PTPN9: variants seen among roughly 807,000 people sequenced by gnomAD.
The protein encoded by PTPN9 is protein tyrosine phosphatase non-receptor type 9.
A neutral mutation model predicts 69.8 loss-of-function variants in PTPN9; 26 were observed. That is an observed-to-expected ratio of 0.37 (90% CI 0.27 to 0.52). The LOEUF (loss-of-function observed/expected upper bound fraction) is 0.52. Among genes scored for constraint, PTPN9 ranks in the 20% least tolerant of loss-of-function variants. The pLI is 0.91. For synonymous variants in PTPN9, 274 were observed against 272.5 expected (o/e 1.01, Z -0.05); for missense variants, 549 against 740.3 (o/e 0.74, Z 3.00).
rs745727762 is a variant in PTPN9, at chr15:75,517,250, T to C, written c.528+9A>G. ...GAAGGAAACTTGAGAGGGCCCTCCA[T>C]AGCCTTACCTTCAGCAGGTTTAGGA... On this transcript the variant is annotated intron_variant, in intron 5 of 12. Transcript: ENST00000618819. 8 of 1,602,582 alleles carry C rather than the reference T, an allele frequency of 5.0e-6. No homozygotes were observed. The Admixed American group carries it at 6.7e-5, about 13-fold the overall frequency.
At chr15:75,516,770 C>T (rs1304640082) in intron 5 of PTPN9, among the ~76,000 whole-genome samples, 1 of 111,370 alleles carries the variant, frequency 9.0e-6, no homozygotes, top group African/African-American at 3.6e-5. Context: ...TTTTGAGACA[C>T]AGTCTCGCTC....
At chr15:75,539,755 T>C (rs979675011) in intron 1 of PTPN9, among the ~76,000 whole-genome samples, 2 of 151,890 alleles carry the variant, frequency 1.3e-5, no homozygotes, top group Admixed American at 1.3e-4. Context: ...CACTGCAACC[T>C]TGGCCTCCCA....
intron 1 of PTPN9, among the ~76,000 whole-genome samples, chr15:75,540,533 ACT>A (rs2075003498): frequency 6.9e-6 from 1 of 144,878 alleles, no homozygotes; most frequent in South Asian, 2.2e-4. Context: ...ACAGAGCAAG[ACT>A]CTGTCTCTAA....
At chr15:75,561,747 T>C (rs2075104910) in intron 1 of PTPN9, among the ~76,000 whole-genome samples, 1 of 152,174 alleles carries the variant, frequency 6.6e-6, no homozygotes, top group African/African-American at 2.4e-5. Flanking sequence ...TTCGCTTTTG[T>C]TGTCCAGGCT....
At chr15:75,472,527 G>A (rs965904879) in intron 10 of PTPN9, among the ~76,000 whole-genome samples, 16 of 151,760 alleles carry the variant, frequency 1.1e-4, no homozygotes. Flanking sequence ...AGGCGCAGTG[G>A]CCCACGCTTG....
chr15:75,470,767 G>T lies in PTPN9; in HGVS notation c.1272C>A (p.Ile424=). Residue 424 remains isoleucine (I), a synonymous_variant, in exon 11 of 13, where the codon ATC becomes ATA. Coordinates refer to ENST00000618819, the MANE Select transcript of PTPN9 (RefSeq NM_002833.4). ...TGGTCACTGTGAGGAAGCCAAATCG[G>T]ATCCGAGAGTCTTTTTCTAAAGGCC... ...QYWPLEKDSR[I]RFGFLTVTNL... The T allele has an allele frequency of 6.2e-7, 1 of 1,614,214 alleles. No individual in the cohort carries two copies. Among genetic ancestry groups the T allele is most frequent in the Non-Finnish European group, 8.5e-7 (1 of 1,180,032 alleles).
intron 1 of PTPN9, among the ~76,000 whole-genome samples, chr15:75,569,037 T>C (rs1003767493): frequency 6.6e-6 from 1 of 152,140 alleles, no homozygotes. Context: ...GTTATTTTAG[T>C]GGTCAGGAAG....
intron 1 of PTPN9, among the ~76,000 whole-genome samples, chr15:75,575,918 C>CAAAA (rs759810846): frequency 2.5e-5 from 1 of 39,272 alleles, no homozygotes; most frequent in African/African-American, 1.1e-4. Context: ...GACTCCATCT[C>CAAAA]AAAAAAAAAA....
At chr15:75,490,477 T>C (rs960470319) in intron 7 of PTPN9, among the ~76,000 whole-genome samples, 176 bp from the exon 8 acceptor site, 4 of 152,188 alleles carry the variant, frequency 2.6e-5, no homozygotes, top group Non-Finnish European at 5.9e-5. Context: ...GGTAAGTACA[T>C]ACTACTTCTA....
chr15:75,551,212 G>C (rs2141335286), intron 1 of PTPN9, among the ~76,000 whole-genome samples: 1 of 152,256 alleles, frequency 6.6e-6, no homozygotes, highest in South Asian at 2.1e-4. Context: ...TGGGACTACA[G>C]GCATGCACCA....
intron 10 of PTPN9, among the ~76,000 whole-genome samples, chr15:75,472,708 G>A (rs2074574250): frequency 6.7e-6 from 1 of 150,134 alleles, no homozygotes; most frequent in African/African-American, 2.5e-5. Flanking sequence ...GAACCCAGGA[G>A]GCAAGGGTTG....
intron 1 of PTPN9, among the ~76,000 whole-genome samples, chr15:75,545,262 C>A (rs2075027163): frequency 6.6e-6 from 1 of 152,000 alleles, no homozygotes; most frequent in Admixed American, 6.6e-5. Flanking sequence ...ATTATGGGAA[C>A]TTAAAATTTA....
At chr15:75,493,950 T>C (rs577737637) in intron 7 of PTPN9, among the ~76,000 whole-genome samples, 29 of 152,126 alleles carry the variant, frequency 1.9e-4, no homozygotes, top group Non-Finnish European at 3.5e-4. Flanking sequence ...GTTGAGTCAG[T>C]AAACTATGCC....
chr15:75,547,612 C>T (rs1361102330), intron 1 of PTPN9, among the ~76,000 whole-genome samples: 1 of 151,982 alleles, frequency 6.6e-6, no homozygotes, highest in African/African-American at 2.4e-5. Flanking sequence ...CTTAACTACA[C>T]TGCATTAAGT....
chr15:75,559,667 C>T (rs2075095026), intron 1 of PTPN9, among the ~76,000 whole-genome samples: 1 of 151,228 alleles, frequency 6.6e-6, no homozygotes, highest in Admixed American at 6.6e-5. Flanking sequence ...CTAGGAAAAC[C>T]AGAGACCTTT....
intron 9 of PTPN9, among the ~76,000 whole-genome samples, chr15:75,474,165 C>A (rs549146196): frequency 1.3e-5 from 2 of 152,330 alleles, no homozygotes; most frequent in Admixed American, 1.3e-4. Flanking sequence ...AAACCATTAA[C>A]CTTCTGTTTC....
chr15:75,545,399 C>A (rs796824506), intron 1 of PTPN9, among the ~76,000 whole-genome samples: 3 of 152,106 alleles, frequency 2.0e-5, no homozygotes, highest in African/African-American at 7.2e-5. Flanking sequence ...GAGACCCCCC[C>A]ATCTCTAGAA....
intron 1 of PTPN9, among the ~76,000 whole-genome samples, chr15:75,542,788 A>G (rs187781099): frequency 1.3e-3 from 191 of 151,988 alleles, no homozygotes; most frequent in Non-Finnish European, 1.7e-3. Context: ...CTTTGTACAC[A>G]TAAGACAGCA....
At chr15:75,545,616 A>G (rs1489674793) in intron 1 of PTPN9, among the ~76,000 whole-genome samples, 1 of 152,206 alleles carries the variant, frequency 6.6e-6, no homozygotes, top group Non-Finnish European at 1.5e-5. Flanking sequence ...TCAGACATCT[A>G]TAATAGGATA....
Sources: allele counts gnomAD v4.1 joint callset (sites outside exome capture counted in the v4.1 genomes callset), GRCh38; gene constraint gnomAD v4.1.1; transcripts MANE v1.5; gene names NCBI Gene and HGNC (gene_info 2026-07-23, HGNC 2026-07-21).